Variants in HLA-DOB observed in about 807,000 individuals in gnomAD.
HLA-DOB encodes HLA class II histocompatibility antigen, DO beta chain.
Under a neutral mutation model 27.7 loss-of-function variants are expected in HLA-DOB, and 25 were observed. The observed-to-expected ratio is 0.90, with a 90% CI of 0.66 to 1.26. HLA-DOB has a LOEUF of 1.26. HLA-DOB is among the 50% of genes most tolerant of loss of function. The pLI is 0.00. For synonymous variants in HLA-DOB, 137 were observed against 125.6 expected (o/e 1.09, Z -0.61); for missense variants, 306 against 324.9 (o/e 0.94, Z 0.45).
At position 32,815,328 on chromosome 6, in the gene HLA-DOB, C is replaced by T. The variant is rs370093787; in HGVS notation, c.92-15G>A. Reference sequence around the variant, plus strand: ...CACAAAATCTTCTGGAAAACCAAAACCAAAACCATGAACCAGCCCCCTCCT... The same window carrying T: ...CACAAAATCTTCTGGAAAACCAAAATCAAAACCATGAACCAGCCCCCTCCT... On this transcript the variant is annotated splice_polypyrimidine_tract_variant and intron_variant, in intron 1 of 5. Coordinates refer to ENST00000438763, the MANE Select transcript of HLA-DOB (RefSeq NM_002120.4). 9.0e-5 allele frequency: 146 copies of T among 1,613,554 alleles called. No individual in the cohort carries two copies. The African/African-American group carries it at 1.7e-3, about 19-fold the overall frequency.
Position 32,814,576 on chromosome 6 carries a change from T to C in HLA-DOB, c.387A>G (p.Pro129=). 4.3e-6 allele frequency: 7 copies of C among 1,612,760 alleles called. No homozygotes were observed. The highest frequency in any genetic ancestry group is 5.9e-6 in the Non-Finnish European group (7 of 1,179,798). Residue 129 remains proline (P), a synonymous_variant, in exon 3 of 6, where the codon CCA becomes CCG. Transcript: ENST00000438763. ...RKVQPEVTVY[P]ERTPLLHQHN... ...GCTGGTGCAGGAGTGGGGTCCTCTC[T>C]GGGTACACTGTCACCTCTGGTTGCA...
intron 4 of HLA-DOB, 73 bp from the exon 5 acceptor site, chr6:32,813,544 A>C: frequency 2.0e-6 from 3 of 1,528,426 alleles, no homozygotes; most frequent in Non-Finnish European, 2.7e-6. Flanking sequence ...GGAAGAACAA[A>C]TGGCTGGCAA....
Position 32,816,958 on chromosome 6 carries a change from G to C in HLA-DOB, c.-7C>G. 3 of 1,605,904 alleles carry C rather than the reference G, an allele frequency of 1.9e-6. No individual in the cohort carries two copies. The highest frequency in any genetic ancestry group is 2.6e-6 in the Non-Finnish European group (3 of 1,174,620). ...GGACCCACCCAGAACCCATTCTGGAGAAAGGAAAAAAATGAGATAGTAAAA... is the reference window on the plus strand; with the variant it reads ...GGACCCACCCAGAACCCATTCTGGACAAAGGAAAAAAATGAGATAGTAAAA... On this transcript the variant is annotated 5_prime_UTR_variant, in exon 1 of 6. Coordinates refer to ENST00000438763, the MANE Select transcript of HLA-DOB (RefSeq NM_002120.4).
At position 32,813,782 on chromosome 6, in the gene HLA-DOB, A is replaced by G; in HGVS notation, c.695T>C (p.Phe232Ser). The G allele has an allele frequency of 6.4e-7, 1 of 1,565,712 alleles. No individual in the cohort carries two copies. The highest frequency in any genetic ancestry group is 8.7e-7 in the Non-Finnish European group (1 of 1,153,462). Reference sequence around the variant, plus strand: ...CAGAAGGAAGATTAGCCCAAGTAGGAAGGCTGCAATGCCACTCAGCATCTT... The same window carrying G: ...CAGAAGGAAGATTAGCCCAAGTAGGGAGGCTGCAATGCCACTCAGCATCTT... ...WRKMLSGIAA[F>S]LLGLIFLLVG... The change falls in exon 4 of 6, where the codon TTC (phenylalanine) becomes TCC (serine). Residue 232 changes from phenylalanine to serine, a missense_variant. Phe to Ser is a radical substitution (Grantham distance 155, BLOSUM62 -2). Coordinates refer to ENST00000438763, the MANE Select transcript of HLA-DOB (RefSeq NM_002120.4).
chr6:32,813,207 G>T lies in HLA-DOB; in HGVS notation c.*9C>A, dbSNP rs776926890. On this transcript the variant is annotated 3_prime_UTR_variant, in exon 6 of 6. Coordinates refer to ENST00000438763, the MANE Select transcript of HLA-DOB (RefSeq NM_002120.4). ...TCAGGCTCCAGAGAGAGAAGCTTCA[G>T]TGAGGACCTTAGCATGACTGAGGGA... 7 of 1,612,690 alleles carry T rather than the reference G, an allele frequency of 4.3e-6. No homozygotes were observed. The highest frequency in any genetic ancestry group is 5.9e-6 in the Non-Finnish European group (7 of 1,179,682).
chr6:32,814,421 A>C lies in HLA-DOB; in HGVS notation c.542T>G (p.Phe181Cys). The C allele has an allele frequency of 6.2e-7, 1 of 1,613,020 alleles. No homozygotes were observed. Among genetic ancestry groups the C allele is most frequent in the South Asian group, 1.1e-5 (1 of 91,066 alleles). Residue 181 changes from phenylalanine (F) to cysteine (C), a missense_variant, in exon 3 of 6, where the codon TTT becomes TGT. Physicochemically the swap from Phe to Cys is radical, Grantham distance 205. Coordinates refer to ENST00000438763, the MANE Select transcript of HLA-DOB (RefSeq NM_002120.4). The part of the protein sequence containing the change: ...TGPIRNGDWT[F>C]QTVVMLEMTP... ...CATTTCTAGCATCACCACAGTCTGAAAGGTCCAGTCTCCATTCCTGATAGG... is the reference window on the plus strand; with the variant it reads ...CATTTCTAGCATCACCACAGTCTGACAGGTCCAGTCTCCATTCCTGATAGG...
At position 32,813,678 on chromosome 6, in the gene HLA-DOB, G is replaced by A. The variant is rs752733131; in HGVS notation, c.754+45C>T. On this transcript the variant is annotated intron_variant, in intron 4 of 5. Transcript: ENST00000438763. ...TGACGTTAGGGAAGGTGGGAGTGGG[G>A]AAGGTCTGGGACAGGTGGCAGGGCA... 8.7e-5 allele frequency: 113 copies of A among 1,296,532 alleles called. 1 individual carries two copies. In the South Asian group the frequency reaches 1.3e-3, roughly 15 times the overall value. 80.3% of individuals were successfully genotyped at this position (1,296,532 alleles called of 1,614,324 possible).
intron 2 of HLA-DOB, 83 bp from the exon 3 acceptor site, chr6:32,814,684 C>A: frequency 8.0e-7 from 1 of 1,256,950 alleles, no homozygotes; most frequent in South Asian, 1.3e-5. Context: ...ATCACTATGT[C>A]TAATCTCTTT....
chr6:32,816,896 A>C lies in HLA-DOB; in HGVS notation c.56T>G (p.Leu19Arg). ...TGTGCCTTGAGTCATGGAGGAATCC[A>C]GTCGGGTCAGATTCACTAGCAGAGC... ...VVALLVNLTR[L>R]DSSMTQGTDS... The change falls in exon 1 of 6, where the codon CTG becomes CGG. Residue 19 changes from leucine to arginine, a missense_variant. Physicochemically the swap from Leu to Arg is moderately radical, Grantham distance 102 (BLOSUM62 -2). Transcript: ENST00000438763. The C allele has an allele frequency of 2.5e-6, 4 of 1,613,032 alleles. No homozygotes were observed. The highest frequency in any genetic ancestry group is 3.4e-6 in the Non-Finnish European group (4 of 1,179,962).
At chr6:32,815,011 C>T in intron 2 of HLA-DOB, 33 bp downstream of exon 2, 1 of 1,610,206 alleles carries the variant, frequency 6.2e-7, no homozygotes. Context: ...GGGGACATTC[C>T]TGAGCCCCGC....
At chr6:32,816,169 A>G (rs1167763373) in intron 1 of HLA-DOB, among the ~76,000 whole-genome samples, 3 of 152,138 alleles carry the variant, frequency 2.0e-5, no homozygotes, top group South Asian at 2.1e-4. Context: ...GTATTTAATG[A>G]AACTAACATG....
rs201484149 is a variant in HLA-DOB at position 32,813,723 on chromosome 6, C to T, written c.754G>A (p.Gly252Arg). 446 of 1,542,054 alleles carry T rather than the reference C, an allele frequency of 2.9e-4. No individual in the cohort carries two copies. Among genetic ancestry groups the T allele is most frequent in the Non-Finnish European group, 3.8e-4 (428 of 1,136,596 alleles). Residue 252 changes from glycine to arginine, a missense_variant and splice_region_variant, in exon 4 of 6, where the codon GGA (glycine) becomes AGA (arginine). Gly to Arg is a moderately radical substitution (Grantham distance 125). Transcript: ENST00000438763. ...GIVIQLRAQKGYVRTQMSGNE... is the reference protein window; with the variant it reads ...GIVIQLRAQKRYVRTQMSGNE... ...AGGGCACTCCTCACAGGCTCATTAC[C>T]TTTCTGAGCCCTTAGCTGGATGACG...
intron 3 of HLA-DOB, 153 bp from the exon 4 acceptor site, chr6:32,813,986 C>A: frequency 1.6e-6 from 1 of 640,578 alleles, no homozygotes; most frequent in Non-Finnish European, 2.7e-6. Flanking sequence ...AAGTTGGCAC[C>A]CATGGAGTTA....
At chr6:32,814,179 T>A (rs1317966669) in intron 3 of HLA-DOB, 141 bp downstream of exon 3, 1 of 793,034 alleles carries the variant, frequency 1.3e-6, no homozygotes, top group African/African-American at 1.7e-5. Context: ...ACCCAAGGAC[T>A]CTGGTTTCTG....
At chr6:32,815,908 G>C (rs1429378188) in intron 1 of HLA-DOB, among the ~76,000 whole-genome samples, 1 of 152,160 alleles carries the variant, frequency 6.6e-6, no homozygotes, top group Non-Finnish European at 1.5e-5. Flanking sequence ...ACCTTCCTGG[G>C]TGAACCCCAC....
intron 1 of HLA-DOB, 142 bp downstream of exon 1, chr6:32,816,719 C>T: frequency 1.6e-6 from 1 of 637,562 alleles, no homozygotes; most frequent in South Asian, 2.0e-5. Context: ...GCGTACCTTT[C>T]TGCCAAAGGG....
In HLA-DOB at chr6:32,814,451, G is replaced by A. The variant is rs772435801; in HGVS notation, c.512C>T (p.Thr171Ile). ...GQEERAGVMS[T>I]GPIRNGDWTF... ...CCAGTCTCCATTCCTGATAGGGCCA[G>A]TGGACATGACCCCAGCTCTCTCCTC... is the stretch of plus-strand genomic sequence containing the variant. The change falls in exon 3 of 6, where the codon ACT becomes ATT. Residue 171 changes from threonine to isoleucine, a missense_variant. By Grantham distance (89) the Thr-to-Ile change is moderately conservative (BLOSUM62 -1). Transcript: ENST00000438763. 1 of 1,613,076 alleles carries A rather than the reference G, an allele frequency of 6.2e-7. No individual in the cohort carries two copies. The highest frequency in any genetic ancestry group is 8.5e-7 in the Non-Finnish European group (1 of 1,180,022).
In HLA-DOB at chr6:32,814,558, C is replaced by A; in HGVS notation, c.405G>T (p.Leu135=). Reference sequence around the variant, plus strand: ...AGCAGTGCAGCAGATTATGCTGGTGCAGGAGTGGGGTCCTCTCTGGGTACA... The same window carrying A: ...AGCAGTGCAGCAGATTATGCTGGTGAAGGAGTGGGGTCCTCTCTGGGTACA... ...VTVYPERTPL[L]HQHNLLHCSV... is the part of the protein sequence containing the mutation. Residue 135 remains leucine (L), a synonymous_variant, in exon 3 of 6, where the codon CTG becomes CTT. Coordinates refer to ENST00000438763, the MANE Select transcript of HLA-DOB (RefSeq NM_002120.4). The A allele has an allele frequency of 1.2e-6, 2 of 1,612,956 alleles. No individual in the cohort carries two copies. The highest frequency in any genetic ancestry group is 1.7e-6 in the Non-Finnish European group (2 of 1,179,956).
At chr6:32,814,284 A>G (rs1423899215) in intron 3 of HLA-DOB, 36 bp downstream of exon 3, 1 of 1,597,232 alleles carries the variant, frequency 6.3e-7, no homozygotes, top group East Asian at 2.2e-5. Context: ...TATAGTCCTG[A>G]GTCAGGCCCA....
Sources: allele counts gnomAD v4.1 joint callset (sites outside exome capture counted in the v4.1 genomes callset), GRCh38; gene constraint gnomAD v4.1.1; transcripts MANE v1.5; gene names NCBI Gene and HGNC (gene_info 2026-07-23, HGNC 2026-07-21).